Variants in SUGCT observed in about 807,000 individuals in gnomAD.
SUGCT encodes the protein succinyl-CoA:glutarate-CoA transferase, also known as succinyl-CoA:glutarate CoA-transferase.
Under a neutral mutation model 55.0 loss-of-function variants are expected in SUGCT, and 41 were observed. The ratio of observed to expected loss-of-function variants is 0.74; its 90% CI spans 0.58 to 0.97. The LOEUF (loss-of-function observed/expected upper bound fraction) is 0.97. Ranked by LOEUF, SUGCT falls within the 50% of genes least tolerant of loss-of-function variation. The pLI, the probability that SUGCT is intolerant of heterozygous loss-of-function variation, is 0.00. For synonymous variants in SUGCT, 187 were observed against 200.4 expected (o/e 0.93, Z 0.56); for missense variants, 568 against 547.8 (o/e 1.04, Z -0.37).
downstream of SUGCT, among the ~76,000 whole-genome samples, chr7:40,864,193 G>A (rs1442057315): frequency 6.6e-6 from 1 of 152,174 alleles, no homozygotes; most frequent in African/African-American, 2.4e-5. Flanking sequence ...CCTGGGCTCT[G>A]TTGTCCAGAC....
In SUGCT at chr7:40,189,594, G is replaced by T; in HGVS notation, c.363G>T (p.Glu121Asp). The T allele has an allele frequency of 7.1e-7, 1 of 1,409,808 alleles. No individual in the cohort carries two copies. Among genetic ancestry groups the T allele is most frequent in the Non-Finnish European group, 9.4e-7 (1 of 1,058,618 alleles). 87.3% of individuals were successfully genotyped at this position (1,409,808 alleles called of 1,614,324 possible). Reference sequence around the variant, plus strand: ...CAAAAGGGGTGAAAATCATCAAAGAGGTACAGTATGATGTATAGAAAGCAT... The same window carrying T: ...CAAAAGGGGTGAAAATCATCAAAGATGTACAGTATGATGTATAGAAAGCAT... ...KDPKGVKIIK[E>D]LAAVCDVFVE... Residue 121 changes from glutamate to aspartate, a missense_variant and splice_region_variant, in exon 5 of 14, where the codon GAG becomes GAT. Glu to Asp is a conservative substitution (Grantham distance 45, BLOSUM62 2). Coordinates refer to ENST00000335693, the MANE Select transcript of SUGCT (RefSeq NM_001193313.2).
chr7:40,591,217 G>A (rs547843810), intron 12 of SUGCT, among the ~76,000 whole-genome samples: 3 of 152,316 alleles, frequency 2.0e-5, no homozygotes, highest in South Asian at 4.1e-4. Flanking sequence ...ATTAATCAGG[G>A]TTTGGAATAA....
chr7:40,396,503 A>G (rs1785737868), intron 9 of SUGCT, among the ~76,000 whole-genome samples: 1 of 152,202 alleles, frequency 6.6e-6, no homozygotes, highest in African/African-American at 2.4e-5. Context: ...AAAAGTACTT[A>G]TCCTGTAAGA....
At chr7:40,771,009 T>G (rs1789072061) in intron 13 of SUGCT, among the ~76,000 whole-genome samples, 1 of 152,204 alleles carries the variant, frequency 6.6e-6, no homozygotes, top group Admixed American at 6.5e-5. Flanking sequence ...CTGAAAAATT[T>G]CCAGATGCCA....
the SUGCT span, among the ~76,000 whole-genome samples, chr7:40,951,747 A>C: frequency 6.6e-6 from 1 of 152,058 alleles, no homozygotes; most frequent in Non-Finnish European, 1.5e-5. Context: ...TTCAGTTTCC[A>C]TGTAGTTGAG....
chr7:40,147,188 G>A (rs1037028006), intron 1 of SUGCT, among the ~76,000 whole-genome samples: 2 of 152,116 alleles, frequency 1.3e-5, no homozygotes, highest in Non-Finnish European at 2.9e-5. Flanking sequence ...ACCAGCAGGA[G>A]TGGACCTACT....
chr7:40,324,252 A>AATAAATATATATATATATATATAT (rs1554311559), intron 9 of SUGCT, among the ~76,000 whole-genome samples: 3 of 117,650 alleles, frequency 2.5e-5, no homozygotes, highest in African/African-American at 1.1e-4. Context: ...TAAATAAATA[A>AATAAATATATATATATATATATAT]ATATATATAT....
rs949478609 is a variant in SUGCT at position 40,175,188 on chromosome 7, T to G, written c.101-5759T>G. ...TTCGGGCTGTCATTTATCTTCTAAT[T>G]GTGTTCATGGTATCTTTCACTGTAG... On this transcript the variant is annotated intron_variant, in intron 1 of 13. Transcript: ENST00000335693. Among the ~76,000 whole-genome samples the G allele has an allele frequency of 1.1e-4, 17 of 152,220 alleles. No individual in the cohort carries two copies. The South Asian group carries it at 3.5e-3, about 32-fold the overall frequency.
chr7:40,830,848 G>T (rs977271447), intron 13 of SUGCT, among the ~76,000 whole-genome samples: 4 of 152,184 alleles, frequency 2.6e-5, no homozygotes, highest in African/African-American at 9.7e-5. Context: ...TCTGAGACTA[G>T]AATTCAAATC....
chr7:40,991,751 C>T, the SUGCT span, among the ~76,000 whole-genome samples: 2 of 152,058 alleles, frequency 1.3e-5, no homozygotes, highest in African/African-American at 2.4e-5. Context: ...ACCTTCAGCC[C>T]CTGTGATTGG....
Position 40,195,198 on chromosome 7 carries a change from G to A in SUGCT, c.484+138G>A, listed in dbSNP as rs143148135. On this transcript the variant is annotated intron_variant, in intron 6 of 13. Transcript: ENST00000335693. ...TCCTTTTTCCAAGGCCGTTTAGGTT[G>A]CTGAACTTACTTTTTTCTTTTTTCT... The A allele has an allele frequency of 9.0e-5, 77 of 852,204 alleles. No homozygotes were observed. In the African/African-American group the frequency reaches 1.3e-3, roughly 14 times the overall value. The allele number at this position is 852,204 out of a possible 1,614,324, so 52.8% of individuals were successfully genotyped here.
intron 13 of SUGCT, among the ~76,000 whole-genome samples, chr7:40,795,008 G>A (rs187219606): frequency 1.6e-3 from 250 of 152,146 alleles, no homozygotes; most frequent in Middle Eastern, 6.8e-3. Context: ...TATACACCTG[G>A]AATAGCGCTT....
chr7:40,139,208 T>G (rs1787860580), intron 1 of SUGCT, among the ~76,000 whole-genome samples: 1 of 151,934 alleles, frequency 6.6e-6, no homozygotes, highest in Admixed American at 6.6e-5. Context: ...ATTAATTTAT[T>G]TAATTTTGTG....
chr7:40,433,047 G>C (rs4526265), intron 9 of SUGCT, among the ~76,000 whole-genome samples: 16,978 of 151,786 alleles, frequency 0.11, 1,405 homozygotes, highest in East Asian at 0.48. Context: ...ACCCATCTTT[G>C]AGTTTGCTGA....
intron 8 of SUGCT, among the ~76,000 whole-genome samples, chr7:40,287,296 A>C (rs746029953): frequency 6.6e-6 from 1 of 152,090 alleles, no homozygotes; most frequent in Non-Finnish European, 1.5e-5. Context: ...TCATCTGTAA[A>C]ATAAGATAGT....
intron 12 of SUGCT, among the ~76,000 whole-genome samples, chr7:40,671,136 G>A (rs543778437): frequency 6.6e-6 from 1 of 152,304 alleles, no homozygotes; most frequent in South Asian, 2.1e-4. Context: ...TAGGAATTGT[G>A]TGAAACCCGT....
intron 10 of SUGCT, among the ~76,000 whole-genome samples, chr7:40,454,173 T>G (rs1052441999): frequency 1.2e-4 from 19 of 152,142 alleles, no homozygotes; most frequent in African/African-American, 4.3e-4. Flanking sequence ...CAGGAACCTA[T>G]TCAACAATAA....
intron 11 of SUGCT, among the ~76,000 whole-genome samples, chr7:40,491,575 G>A (rs565625990): frequency 1.3e-5 from 2 of 152,232 alleles, no homozygotes; most frequent in East Asian, 3.9e-4. Flanking sequence ...GGTCTGGGCT[G>A]GTAATATGGA....
At chr7:40,389,863 A>G (rs1189959355) in intron 9 of SUGCT, among the ~76,000 whole-genome samples, 1 of 152,226 alleles carries the variant, frequency 6.6e-6, no homozygotes, top group Non-Finnish European at 1.5e-5. Flanking sequence ...ATCTCTGATG[A>G]ACATCAATGC....
Sources: gnomAD v4.1 joint callset for allele counts (sites outside exome capture counted in the v4.1 genomes callset) on GRCh38, gnomAD v4.1.1 for gene constraint, MANE v1.5 for transcripts, NCBI Gene and HGNC (gene_info 2026-07-23, HGNC 2026-07-21) for gene names.